Variants in IFNG observed in about 807,000 individuals in gnomAD.
The protein encoded by IFNG is IFN-gamma.
Under a neutral mutation model 14.4 loss-of-function variants are expected in IFNG, and 8 were observed. The ratio of observed to expected loss-of-function variants is 0.56; its 90% CI spans 0.33 to 1.00. The LOEUF is 1.00. Ranked by LOEUF, IFNG falls within the 50% of genes least tolerant of loss-of-function variation. IFNG has a pLI of 0.03. For missense variants in IFNG, 132 were observed against 194.9 expected (o/e 0.68, Z 1.92); for synonymous variants, 73 against 65.4 (o/e 1.12, Z -0.56).
At chr12:68,155,508 A>C (rs975056055) in intron 3 of IFNG, 21 bp from the exon 4 acceptor site, 1 of 1,580,440 alleles carries the variant, frequency 6.3e-7, no homozygotes, top group African/African-American at 1.4e-5. Context: ...AGAAAAGAGC[A>C]AAATTAATTT....
chr12:68,154,826 G>A lies in IFNG; in HGVS notation c.*527C>T, dbSNP rs1164760975. On this transcript the variant is annotated 3_prime_UTR_variant, in exon 4 of 4. Coordinates refer to ENST00000229135, the MANE Select transcript of IFNG (RefSeq NM_000619.3). Reference sequence around the variant, plus strand: ...AGATATTGATAATTTTAACAAATGAGTTACTTTCCATTTGGGTACAGTCAC... The same window carrying A: ...AGATATTGATAATTTTAACAAATGAATTACTTTCCATTTGGGTACAGTCAC... 1 of 152,790 alleles carries A rather than the reference G, an allele frequency of 6.5e-6. No homozygotes were observed. The highest frequency in any genetic ancestry group is 2.4e-5 in the African/African-American group (1 of 41,438). 9.5% of individuals were successfully genotyped at this position (152,790 alleles called of 1,614,324 possible).
chr12:68,156,519 C>T (rs935970794), intron 3 of IFNG, among the ~76,000 whole-genome samples: 3 of 152,130 alleles, frequency 2.0e-5, no homozygotes, highest in Admixed American at 6.5e-5. Context: ...GCATAACATG[C>T]ATAAAATAGC....
At chr12:68,156,904 T>C (rs1882610096) in intron 3 of IFNG, among the ~76,000 whole-genome samples, 1 of 152,060 alleles carries the variant, frequency 6.6e-6, no homozygotes, top group African/African-American at 2.4e-5. Flanking sequence ...GGCCCAGCAA[T>C]AGTGAAAGCT....
At chr12:68,159,358 C>G in intron 1 of IFNG, 144 bp downstream of exon 1, 1 of 554,964 alleles carries the variant, frequency 1.8e-6, no homozygotes, top group Non-Finnish European at 3.3e-6. Context: ...AGTCAAGGAA[C>G]TCATCTAGTC....
chr12:68,156,993 A>T (rs1266402087), intron 3 of IFNG, among the ~76,000 whole-genome samples: 1 of 152,074 alleles, frequency 6.6e-6, no homozygotes. Flanking sequence ...ATCAAAGTCA[A>T]CCCCAAAGGA....
chr12:68,155,402 T>C lies in IFNG; in HGVS notation c.452A>G (p.Lys151Arg). Residue 151 changes from lysine to arginine, a missense_variant, in exon 4 of 4, where the codon AAG becomes AGG. Lys to Arg is a conservative substitution (Grantham distance 26, BLOSUM62 2). Transcript: ENST00000229135. ...AELSPAAKTG[K>R]RKRSQMLFRG... ...AAACAGCATCTGACTCCTTTTTCGC[T>C]TCCCTGTTTTAGCTGCTGGCGACAG... 1 of 1,612,258 alleles carries C rather than the reference T, an allele frequency of 6.2e-7. No individual in the cohort carries two copies. The highest frequency in any genetic ancestry group is 2.2e-5 in the East Asian group (1 of 44,740).
intron 3 of IFNG, 89 bp downstream of exon 3, chr12:68,157,824 G>A (rs1408500072): frequency 1.6e-5 from 15 of 953,578 alleles, no homozygotes; most frequent in Non-Finnish European, 2.4e-5. Context: ...TTTAGCAACT[G>A]TTAAATAGCT....
At chr12:68,156,577 A>T (rs531702983) in intron 3 of IFNG, among the ~76,000 whole-genome samples, 1 of 152,220 alleles carries the variant, frequency 6.6e-6, no homozygotes, top group African/African-American at 2.4e-5. Flanking sequence ...CTCACTCAAG[A>T]TTGCCCATCA....
At chr12:68,156,403 T>C (rs2120741525) in intron 3 of IFNG, among the ~76,000 whole-genome samples, 1 of 151,878 alleles carries the variant, frequency 6.6e-6, no homozygotes, top group Admixed American at 6.6e-5. Flanking sequence ...TTTACCTTCC[T>C]CTTGGCTCTG....
At position 68,158,258 on chromosome 12, in the gene IFNG, TTC is replaced by T. The variant is rs2120746970; in HGVS notation, c.115-1_115del. On this transcript the variant is annotated splice_acceptor_variant and coding_sequence_variant, in exon 2 of 4. Coordinates refer to ENST00000229135, the MANE Select transcript of IFNG (RefSeq NM_000619.3). LOFTEE classifies it high-confidence loss of function. ...ATCCGCTACATCTGAATGACCTGCA[TTC>T]TAAAAAAAAAAAAAGAAAAAATTGG... 1.3e-6 allele frequency: 2 copies of T among 1,496,624 alleles called. No individual in the cohort carries two copies. The highest frequency in any genetic ancestry group is 1.2e-5 in the South Asian group (1 of 81,108). The allele number at this position is 1,496,624 out of a possible 1,614,324, so 92.7% of individuals were successfully genotyped here. A position where few individuals can be genotyped will look rare whatever the true frequency, so the allele number is the denominator to read the frequency against.
intron 3 of IFNG, among the ~76,000 whole-genome samples, chr12:68,157,606 G>C (rs936224712): frequency 6.6e-6 from 1 of 152,178 alleles, no homozygotes; most frequent in Non-Finnish European, 1.5e-5. Context: ...GGGACAATGA[G>C]AGAACTGCTT....
At chr12:68,158,671 GTAT>G (rs1165675548) in intron 1 of IFNG, among the ~76,000 whole-genome samples, 1 of 151,754 alleles carries the variant, frequency 6.6e-6, no homozygotes, top group African/African-American at 2.4e-5. Flanking sequence ...TTCCTGTAGG[GTAT>G]TATTATACGA....
chr12:68,158,407 A>T, intron 1 of IFNG, 148 bp from the exon 2 acceptor site: 2 of 596,960 alleles, frequency 3.4e-6, no homozygotes, highest in Non-Finnish European at 5.8e-6. Context: ...AAGTATTCCC[A>T]AAAGGCTTAT....
rs1882583669 is a variant in IFNG at position 68,155,331 on chromosome 12, A to T, written c.*22T>A. On this transcript the variant is annotated 3_prime_UTR_variant, in exon 4 of 4. Transcript: ENST00000229135. ...TAAATAGATTTAGATTTAAAATTCA[A>T]ATATTGCAGGCAGGACAACCATTAC... 2.6e-6 allele frequency: 4 copies of T among 1,546,084 alleles called. No individual in the cohort carries two copies.
intron 3 of IFNG, among the ~76,000 whole-genome samples, chr12:68,157,066 C>A (rs574423665): frequency 6.6e-6 from 1 of 152,086 alleles, no homozygotes; most frequent in East Asian, 1.9e-4. Flanking sequence ...TATGCCTCAA[C>A]GTTATCTTTC....
Position 68,155,372 on chromosome 12 carries a change from C to A in IFNG, c.482G>T (p.Gly161Val). 6.2e-7 allele frequency: 1 copy of A among 1,609,614 alleles called. No individual in the cohort carries two copies. The highest frequency in any genetic ancestry group is 1.1e-5 in the South Asian group (1 of 90,492). Residue 161 changes from glycine (G) to valine (V), a missense_variant, in exon 4 of 4, where the codon GGT (glycine) becomes GTT (valine). Coordinates refer to ENST00000229135, the MANE Select transcript of IFNG (RefSeq NM_000619.3). ...CAACCATTACTGGGATGCTCTTCGA[C>A]CTCGAAACAGCATCTGACTCCTTTT... The part of the protein sequence containing the change: ...KRKRSQMLFR[G>V]RRASQ
At chr12:68,155,854 T>C (rs1272416549) in intron 3 of IFNG, among the ~76,000 whole-genome samples, 1 of 152,228 alleles carries the variant, frequency 6.6e-6, no homozygotes, top group Non-Finnish European at 1.5e-5. Context: ...TTTTCTCATC[T>C]AAAGGAGGAT....
Position 68,157,822 on chromosome 12 carries a change from C to T in IFNG, c.366+91G>A, listed in dbSNP as rs1027017870. 5 of 928,424 alleles carry T rather than the reference C, an allele frequency of 5.4e-6. No individual in the cohort carries two copies. The African/African-American group carries it at 6.6e-5, about 12-fold the overall frequency. 57.5% of individuals were successfully genotyped at this position (928,424 alleles called of 1,614,324 possible). On this transcript the variant is annotated intron_variant, in intron 3 of 3. Transcript: ENST00000229135. ...TGAGTTGAGTTCATAGCTTTAGCAA[C>T]TGTTAAATAGCTAATGTCTACTTTC...
chr12:68,159,412 A>G, intron 1 of IFNG, 90 bp downstream of exon 1: 1 of 636,276 alleles, frequency 1.6e-6, no homozygotes, highest in East Asian at 2.8e-5. Flanking sequence ...GACTGCCTAC[A>G]AGAGATGACA....
Sources: allele counts gnomAD v4.1 joint callset (sites outside exome capture counted in the v4.1 genomes callset), GRCh38; gene constraint gnomAD v4.1.1; transcripts MANE v1.5; gene names NCBI Gene and HGNC (gene_info 2026-07-23, HGNC 2026-07-21).